Variants in EEF2K observed in about 807,000 individuals in gnomAD.
The protein encoded by EEF2K is eukaryotic elongation factor 2 kinase.
Under a neutral mutation model 93.8 loss-of-function variants are expected in EEF2K, and 70 were observed. The observed-to-expected ratio is 0.75, with a 90% confidence interval of 0.62 to 0.91. The LOEUF (loss-of-function observed/expected upper bound fraction) is 0.91. Ranked by LOEUF, EEF2K falls within the 40% of genes least tolerant of loss-of-function variation. The pLI is 0.00. For missense variants in EEF2K, 935 were observed against 972.9 expected (o/e 0.96, Z 0.52); for synonymous variants, 376 against 380.8 (o/e 0.99, Z 0.15).
chr16:22,219,957 C>T (rs1417584132), intron 1 of EEF2K, among the ~76,000 whole-genome samples: 1 of 152,174 alleles, frequency 6.6e-6, no homozygotes, highest in African/African-American at 2.4e-5. Context: ...GGCACACTCC[C>T]TTTAAGAACC....
chr16:22,257,254 C>A lies in EEF2K; in HGVS notation c.770C>A (p.Ala257Asp). The A allele has an allele frequency of 6.2e-7, 1 of 1,614,142 alleles. No individual in the cohort carries two copies. The change falls in exon 8 of 18, where the codon GCC becomes GAC. Residue 257 changes from alanine (A) to aspartate (D), a missense_variant and splice_region_variant. Coordinates refer to ENST00000263026, the MANE Select transcript of EEF2K (RefSeq NM_013302.5). ...CGTTTTCCTTCCTGTCCCCTGTAGGCCTTCAGCCACTTCACTTTTGAGCGT... is the reference window on the plus strand; with the variant it reads ...CGTTTTCCTTCCTGTCCCCTGTAGGACTTCAGCCACTTCACTTTTGAGCGT... ...RDDNIRLTPQ[A>D]FSHFTFERSG...
At chr16:22,250,532 G>T (rs999053298) in intron 4 of EEF2K, 122 bp from the exon 5 acceptor site, 2 of 1,179,256 alleles carry the variant, frequency 1.7e-6, no homozygotes, top group South Asian at 1.4e-5. Flanking sequence ...AGGGATTTCA[G>T]GATTGAGATG....
chr16:22,220,457 T>G (rs1327346655), intron 1 of EEF2K, among the ~76,000 whole-genome samples: 1 of 152,082 alleles, frequency 6.6e-6, no homozygotes, highest in South Asian at 2.1e-4. Context: ...TTTTTTTGTT[T>G]TTTGCTTATT....
At chr16:22,269,882 G>A (rs1047357929) in intron 15 of EEF2K, among the ~76,000 whole-genome samples, 1 of 151,716 alleles carries the variant, frequency 6.6e-6, no homozygotes, top group African/African-American at 2.4e-5. Flanking sequence ...ACACACTCCT[G>A]AACCTAGTGT....
Position 22,251,208 on chromosome 16 carries a change from G to A in EEF2K, c.504G>A (p.Val168=). The A allele has an allele frequency of 1.2e-6, 2 of 1,614,122 alleles. No homozygotes were observed. Among genetic ancestry groups the A allele is most frequent in the Non-Finnish European group, 1.7e-6 (2 of 1,180,018 alleles). Residue 168 remains valine, a synonymous_variant, in exon 6 of 18, where the codon GTG becomes GTA. Transcript: ENST00000263026. ...AQQWKGASNY[V]AKRYIEPVDR... The stretch of plus-strand genomic sequence containing the variant: ...AGTGGAAGGGCGCCTCCAACTACGT[G>A]GCGAAGCGCTACATCGAGCCCGTAG...
Position 22,286,385 on chromosome 16 carries a change from TTTA to T in EEF2K, c.*2394_*2396del, listed in dbSNP as rs1268321258. On this transcript the variant is annotated 3_prime_UTR_variant, in exon 18 of 18. Coordinates refer to ENST00000263026, the MANE Select transcript of EEF2K (RefSeq NM_013302.5). ...TCAGCCAGCCCCCCCTCTCTGAAAT[TTTA>T]TTATGTAAATAATTTGTGTTCCCTG... 2 of 152,228 alleles carry T rather than the reference TTTA, an allele frequency of 1.3e-5. No individual in the cohort carries two copies. Among genetic ancestry groups the T allele is most frequent in the African/African-American group, 4.8e-5 (2 of 41,460 alleles). 9.4% of individuals were successfully genotyped at this position (152,228 alleles called of 1,614,324 possible).
intron 10 of EEF2K, among the ~76,000 whole-genome samples, chr16:22,259,473 G>A (rs1567281771): frequency 6.6e-6 from 1 of 152,190 alleles, no homozygotes; most frequent in Non-Finnish European, 1.5e-5. Context: ...TGGAACAGGA[G>A]TCAACAGACT....
At position 22,280,323 on chromosome 16, in the gene EEF2K, C is replaced by T. The variant is rs2047680964; in HGVS notation, c.2015C>T (p.Ala672Val). 1 of 1,605,644 alleles carries T rather than the reference C, an allele frequency of 6.2e-7. No individual in the cohort carries two copies. The highest frequency in any genetic ancestry group is 8.5e-7 in the Non-Finnish European group (1 of 1,176,076). The change falls in exon 17 of 18, where the codon GCC (alanine) becomes GTC (valine). Residue 672 changes from alanine (A) to valine (V), a missense_variant. By Grantham distance (64) the Ala-to-Val change is moderately conservative (BLOSUM62 0). Coordinates refer to ENST00000263026, the MANE Select transcript of EEF2K (RefSeq NM_013302.5). ...EPRYMMLAREAEMLFTGGYGL... is the reference protein window; with the variant it reads ...EPRYMMLAREVEMLFTGGYGL... ...CGGTACATGATGCTGGCCAGGGAGG[C>T]CGAGATGCTGTTCACAGGAGGCTAC...
intron 15 of EEF2K, among the ~76,000 whole-genome samples, chr16:22,273,065 G>T (rs2047600119): frequency 6.6e-6 from 1 of 152,160 alleles, no homozygotes; most frequent in Non-Finnish European, 1.5e-5. Context: ...GCTTCACCCA[G>T]AAAAGAATTC....
At chr16:22,231,019 A>C (rs2047109642) in intron 2 of EEF2K, among the ~76,000 whole-genome samples, 1 of 152,146 alleles carries the variant, frequency 6.6e-6, no homozygotes, top group South Asian at 2.1e-4. Context: ...GGTCCATAAT[A>C]AAGTCAAAAA....
intron 15 of EEF2K, among the ~76,000 whole-genome samples, chr16:22,268,757 A>G (rs1208668283): frequency 6.6e-6 from 1 of 152,034 alleles, no homozygotes; most frequent in Non-Finnish European, 1.5e-5. Flanking sequence ...GGAGTTCACA[A>G]CTAGCCTGCC....
chr16:22,244,269 TTG>T (rs200282636), intron 2 of EEF2K, among the ~76,000 whole-genome samples: 12,843 of 139,808 alleles, frequency 0.092, 589 homozygotes, highest in East Asian at 0.17. Flanking sequence ...TATATATGTA[TTG>T]TGTGTGTGTG....
chr16:22,244,566 C>A, intron 2 of EEF2K, 64 bp from the exon 3 acceptor site: 1 of 1,513,880 alleles, frequency 6.6e-7, no homozygotes, highest in Non-Finnish European at 9.2e-7. Context: ...AGGAGGAGTC[C>A]ACGCTGTCCC....
intron 7 of EEF2K, 150 bp downstream of exon 7, chr16:22,257,047 C>A (rs997550405): frequency 2.1e-5 from 29 of 1,407,634 alleles, no homozygotes; most frequent in Middle Eastern, 5.1e-4. Flanking sequence ...AGACCCGTCA[C>A]CCCATGACAG....
intron 15 of EEF2K, among the ~76,000 whole-genome samples, chr16:22,269,672 G>A (rs887317679): frequency 6.6e-6 from 1 of 152,106 alleles, no homozygotes; most frequent in African/African-American, 2.4e-5. Context: ...AAAATGCTGG[G>A]ATTACAGGCA....
chr16:22,231,998 CAAAA>C (rs35198909), intron 2 of EEF2K, among the ~76,000 whole-genome samples: 9 of 66,000 alleles, frequency 1.4e-4, no homozygotes, highest in Admixed American at 8.0e-4. Context: ...CTTAAACAAA[CAAAA>C]AAAAAAAAAA....
At chr16:22,231,719 C>T (rs774712347) in intron 2 of EEF2K, among the ~76,000 whole-genome samples, 9 of 151,946 alleles carry the variant, frequency 5.9e-5, no homozygotes, top group Non-Finnish European at 8.8e-5. Context: ...TGGCCGGGCA[C>T]GGTGGCTCAC....
At chr16:22,274,403 C>T (rs1192244702) in intron 16 of EEF2K, among the ~76,000 whole-genome samples, 1 of 147,128 alleles carries the variant, frequency 6.8e-6, no homozygotes, top group Admixed American at 6.8e-5. Context: ...AAGATCGAGT[C>T]ACTGCACTCC....
Position 22,257,327 on chromosome 16 carries a change from C to CT in EEF2K, c.844dup (p.Tyr282LeufsTer3). 6.2e-7 allele frequency: 1 copy of CT among 1,612,076 alleles called. No individual in the cohort carries two copies. The highest frequency in any genetic ancestry group is 8.5e-7 in the Non-Finnish European group (1 of 1,179,306). On this transcript the variant is annotated frameshift_variant, in exon 8 of 18. Coordinates refer to ENST00000263026, the MANE Select transcript of EEF2K (RefSeq NM_013302.5). LOFTEE classifies it high-confidence loss of function. ...TGGACATCCAGGGAGTTGGGGATCT[C>CT]TACACTGACCCACAGATCCACACGG...
Sources: allele counts gnomAD v4.1 joint callset (sites outside exome capture counted in the v4.1 genomes callset), GRCh38; gene constraint gnomAD v4.1.1; transcripts MANE v1.5; gene names NCBI Gene and HGNC (gene_info 2026-07-23, HGNC 2026-07-21).